Variants in SCFD2 observed in about 807,000 individuals in gnomAD.
The protein encoded by SCFD2 is sec1 family domain containing 2.
In SCFD2, 54 loss-of-function variants were observed where a neutral mutation model predicts 58.9. The ratio of observed to expected loss-of-function variants is 0.92; its 90% CI spans 0.74 to 1.15. The LOEUF is 1.15. SCFD2 is among the 50% of genes most tolerant of loss of function. The probability of loss-of-function intolerance (pLI) is 0.00; values close to 1 mark genes in which losing one functional copy is unlikely to be tolerated. For missense variants in SCFD2, 805 were observed against 836.6 expected (o/e 0.96, Z 0.47); for synonymous variants, 321 against 335.9 (o/e 0.96, Z 0.49).
intron 4 of SCFD2, among the ~76,000 whole-genome samples, chr4:53,254,232 GC>G (rs1577901947): frequency 6.6e-6 from 1 of 152,272 alleles, no homozygotes; most frequent in East Asian, 1.9e-4. Flanking sequence ...CGTGTCAAAA[GC>G]AGGACCAGGT....
At chr4:53,212,575 CGTGT>C (rs72335886) in intron 4 of SCFD2, among the ~76,000 whole-genome samples, 4,551 of 142,182 alleles carry the variant, frequency 0.032, 94 homozygotes, top group Middle Eastern at 0.088. Flanking sequence ...AAAGTGAGCA[CGTGT>C]GTGTGTGTGT....
At position 52,907,440 on chromosome 4, in the gene SCFD2, C is replaced by G; in HGVS notation, c.1842+17G>C. On this transcript the variant is annotated intron_variant, in intron 7 of 8. Coordinates refer to ENST00000401642, the MANE Select transcript of SCFD2 (RefSeq NM_152540.4). Reference sequence around the variant, plus strand: ...AACATTTCTACACTCAGGATTACCTCTCCATGGTTACTTTACCTTCATGAA... The same window carrying G: ...AACATTTCTACACTCAGGATTACCTGTCCATGGTTACTTTACCTTCATGAA... 3 of 1,613,094 alleles carry G rather than the reference C, an allele frequency of 1.9e-6. No homozygotes were observed. The highest frequency in any genetic ancestry group is 2.5e-6 in the Non-Finnish European group (3 of 1,179,116).
intron 5 of SCFD2, among the ~76,000 whole-genome samples, chr4:53,012,834 G>GTT (rs5858199): frequency 0.56 from 75,619 of 134,012 alleles, 20,184 homozygotes; most frequent in South Asian, 0.71. Context: ...GTGTGTGTGT[G>GTT]TGTTTTTTTT....
chr4:53,161,990 G>C (rs1319333446), intron 4 of SCFD2, among the ~76,000 whole-genome samples: 1 of 152,170 alleles, frequency 6.6e-6, no homozygotes, highest in South Asian at 2.1e-4. Context: ...GTCAATACTG[G>C]GCTTTCCAAA....
chr4:52,960,355 A>G (rs1577861297), intron 5 of SCFD2, among the ~76,000 whole-genome samples: 1 of 144,384 alleles, frequency 6.9e-6, no homozygotes, highest in African/African-American at 2.5e-5. Flanking sequence ...GCAGAGAGGC[A>G]CATCTTCTTC....
intron 4 of SCFD2, among the ~76,000 whole-genome samples, chr4:53,261,080 T>C (rs1730814875): frequency 6.6e-6 from 1 of 152,218 alleles, no homozygotes; most frequent in African/African-American, 2.4e-5. Context: ...ATATCCCGTT[T>C]CATTTCTAAT....
chr4:53,108,705 T>C (rs1577734302), intron 5 of SCFD2, among the ~76,000 whole-genome samples: 1 of 152,148 alleles, frequency 6.6e-6, no homozygotes, highest in Non-Finnish European at 1.5e-5. Context: ...TAACAAGTTC[T>C]GAAATTGAGG....
chr4:53,213,786 C>G (rs1418720901), intron 4 of SCFD2, among the ~76,000 whole-genome samples: 1 of 152,038 alleles, frequency 6.6e-6, no homozygotes, highest in East Asian at 1.9e-4. Context: ...GTTATATCTC[C>G]TCATTCTATC....
At chr4:53,359,537 G>A (rs1396558694) in intron 1 of SCFD2, among the ~76,000 whole-genome samples, 3 of 152,112 alleles carry the variant, frequency 2.0e-5, no homozygotes, top group Non-Finnish European at 4.4e-5. Flanking sequence ...ACCAGCCTGC[G>A]AACAAAGTGA....
chr4:53,138,223 C>T (rs965297440), intron 5 of SCFD2, among the ~76,000 whole-genome samples: 7 of 151,998 alleles, frequency 4.6e-5, no homozygotes, highest in Non-Finnish European at 7.3e-5. Flanking sequence ...GTCAGTAGGG[C>T]AGTTACGTTT....
intron 5 of SCFD2, among the ~76,000 whole-genome samples, chr4:53,033,121 T>C (rs1722662694): frequency 6.6e-6 from 1 of 152,074 alleles, no homozygotes. Context: ...AAACAGTCTC[T>C]CAGACCACAG....
chr4:53,035,188 A>C (rs529192930), intron 5 of SCFD2, among the ~76,000 whole-genome samples: 1 of 152,310 alleles, frequency 6.6e-6, no homozygotes, highest in South Asian at 2.1e-4. Flanking sequence ...CAACCATCTG[A>C]TCTTTGACAA....
chr4:53,286,320 C>T (rs1277685078), intron 3 of SCFD2, among the ~76,000 whole-genome samples: 1 of 152,092 alleles, frequency 6.6e-6, no homozygotes, highest in Non-Finnish European at 1.5e-5. Flanking sequence ...GCCATGCACC[C>T]TGGTGCCTAA....
chr4:53,269,352 T>G (rs1731090625), intron 4 of SCFD2, among the ~76,000 whole-genome samples: 1 of 151,850 alleles, frequency 6.6e-6, no homozygotes, highest in African/African-American at 2.4e-5. Context: ...ACTATGAAAG[T>G]AATATGAGCT....
intron 4 of SCFD2, among the ~76,000 whole-genome samples, chr4:53,248,889 G>A (rs1047937355): frequency 2.6e-5 from 4 of 152,318 alleles, no homozygotes; most frequent in Non-Finnish European, 2.9e-5. Context: ...ATTCTAAAAA[G>A]CAGAGCGCCT....
At chr4:53,353,250 G>A (rs558187046) in intron 1 of SCFD2, among the ~76,000 whole-genome samples, 22 of 152,102 alleles carry the variant, frequency 1.4e-4, no homozygotes, top group African/African-American at 4.3e-4. Flanking sequence ...AAGGCAGCGC[G>A]TCTGGAGTTG....
chr4:53,185,537 G>A (rs1727711105), intron 4 of SCFD2, among the ~76,000 whole-genome samples: 1 of 151,892 alleles, frequency 6.6e-6, no homozygotes, highest in Admixed American at 6.6e-5. Context: ...CCCTGGCAGG[G>A]TCCTACCAGC....
chr4:53,271,139 T>A (rs947137234), intron 4 of SCFD2, among the ~76,000 whole-genome samples: 7 of 152,158 alleles, frequency 4.6e-5, no homozygotes, highest in African/African-American at 1.7e-4. Flanking sequence ...ACATTCTGGA[T>A]AATGAAGGCA....
rs111519649 is a variant in SCFD2, at chr4:53,108,162, C to A, written c.1561+37171G>T. 3.1e-3 allele frequency among the ~76,000 whole-genome samples: 476 copies of A among 152,232 alleles called. 1 individual carries two copies. The highest frequency in any genetic ancestry group is 0.011 in the African/African-American group (442 of 41,554). ...AAATTAAGGCAGAAATAAATAAGTT[C>A]TTTGAAATCAATGAGAACAAAGACA... On this transcript the variant is annotated intron_variant, in intron 5 of 8. Coordinates refer to ENST00000401642, the MANE Select transcript of SCFD2 (RefSeq NM_152540.4).
Sources: gnomAD v4.1 joint callset for allele counts (sites outside exome capture counted in the v4.1 genomes callset) on GRCh38, gnomAD v4.1.1 for gene constraint, MANE v1.5 for transcripts, NCBI Gene and HGNC (gene_info 2026-07-23, HGNC 2026-07-21) for gene names.